Variants in SYCP2L observed in about 807,000 individuals in gnomAD.
SYCP2L encodes synaptonemal complex protein 2 like, also known as synaptonemal complex protein 2-like.
A neutral mutation model predicts 125.8 loss-of-function variants in SYCP2L; 98 were observed. The observed-to-expected ratio is 0.78, with a 90% CI of 0.66 to 0.92. SYCP2L has a LOEUF of 0.92. SYCP2L is among the 40% of genes least tolerant of loss of function. The pLI is 0.00. For missense variants in SYCP2L, 842 were observed against 936.4 expected (o/e 0.90, Z 1.32); for synonymous variants, 317 against 325.4 (o/e 0.97, Z 0.28).
chr6:10,921,928 G>A (rs557435554), intron 14 of SYCP2L, among the ~76,000 whole-genome samples: 39 of 152,032 alleles, frequency 2.6e-4, no homozygotes, highest in African/African-American at 7.0e-4. Context: ...GGATGGTCTC[G>A]GTCTCCTGAC....
intron 12 of SYCP2L, among the ~76,000 whole-genome samples, chr6:10,911,207 C>A (rs145026629): frequency 6.6e-6 from 1 of 152,178 alleles, no homozygotes; most frequent in Non-Finnish European, 1.5e-5. Context: ...GGATGATTTC[C>A]TTGCTTCTTT....
In SYCP2L at chr6:10,930,389, ATCTCT is replaced by A. The variant is rs1780972451; in HGVS notation, c.1514_1518del (p.Phe505Ter). ...TTGTAGAAGTCTCATTACAGAAAAC[ATCTCT>A]TCTCTGAGAGTAATCAAGATTCAAG... On this transcript the variant is annotated frameshift_variant, in exon 19 of 30. Transcript: ENST00000283141. LOFTEE classifies it high-confidence loss of function. The A allele has an allele frequency of 6.2e-7, 1 of 1,612,734 alleles. No homozygotes were observed. Among genetic ancestry groups the A allele is most frequent in the African/African-American group, 1.3e-5 (1 of 74,818 alleles).
chr6:10,926,289 T>G lies in SYCP2L; in HGVS notation c.1219-50T>G, dbSNP rs780171663. The stretch of plus-strand genomic sequence containing the variant: ...CTTTACGTTTTCCTTAAATTTTTTT[T>G]TTTTTAAAGATGACTACATTTCAAA... On this transcript the variant is annotated intron_variant, in intron 15 of 29. Transcript: ENST00000283141. 6.5e-6 allele frequency: 9 copies of G among 1,383,750 alleles called. No homozygotes were observed. In the South Asian group the frequency reaches 1.1e-4, roughly 17 times the overall value. The allele number at this position is 1,383,750 out of a possible 1,614,324, so 85.7% of individuals were successfully genotyped here.
At chr6:10,942,556 C>T (rs1414489645) in intron 22 of SYCP2L, 27 bp downstream of exon 22, 6 of 1,588,562 alleles carry the variant, frequency 3.8e-6, no homozygotes, top group East Asian at 4.5e-5. Flanking sequence ...GGTTATTCAT[C>T]TGATTTTCCA....
chr6:10,931,548 C>G, intron 20 of SYCP2L, 59 bp downstream of exon 20: 1 of 1,475,110 alleles, frequency 6.8e-7, no homozygotes, highest in African/African-American at 1.4e-5. Flanking sequence ...ATTTATTTCT[C>G]CAAAAACAAC....
intron 25 of SYCP2L, among the ~76,000 whole-genome samples, chr6:10,957,224 A>G (rs1307828221): frequency 3.3e-5 from 5 of 152,242 alleles, no homozygotes; most frequent in African/African-American, 1.2e-4. Context: ...AGTTCATATT[A>G]CTTATCAATG....
At chr6:10,887,271 A>G in intron 1 of SYCP2L, 136 bp downstream of exon 1, 2 of 1,208,800 alleles carry the variant, frequency 1.7e-6, no homozygotes, top group Non-Finnish European at 2.4e-6. Flanking sequence ...GTCCCCCGCC[A>G]CCTCCTTGGG....
At chr6:10,894,605 A>G (rs780345624) in intron 4 of SYCP2L, among the ~76,000 whole-genome samples, 8 of 152,202 alleles carry the variant, frequency 5.3e-5, no homozygotes, top group Non-Finnish European at 1.2e-4. Flanking sequence ...GTAACACCTC[A>G]CTTTATCCAT....
Position 10,895,746 on chromosome 6 carries a change from C to T in SYCP2L, c.336+1542C>T, listed in dbSNP as rs1780247885. Reference sequence around the variant, plus strand: ...CAGATGATTCCCCTGCCTCGGCCTCCCAAAGTGCTGGGATTACAGGCGTGA... The same window carrying T: ...CAGATGATTCCCCTGCCTCGGCCTCTCAAAGTGCTGGGATTACAGGCGTGA... On this transcript the variant is annotated intron_variant, in intron 4 of 29. Transcript: ENST00000283141. Among the ~76,000 whole-genome samples the T allele has an allele frequency of 2.0e-5, 3 of 152,120 alleles. No homozygotes were observed. In the South Asian group the frequency reaches 6.2e-4, roughly 31 times the overall value.
Position 10,912,944 on chromosome 6 carries a change from A to C in SYCP2L, c.1072+17A>C, listed in dbSNP as rs764457538. ...GCATAACAGGTAATATGATACATTT[A>C]AACAACCCACGTCCAGTTCCAAATA... On this transcript the variant is annotated intron_variant, in intron 14 of 29. Coordinates refer to ENST00000283141, the MANE Select transcript of SYCP2L (RefSeq NM_001040274.3). This position sits in a 1 kb window ranked among gnomAD's most constrained non-coding sequence, Gnocchi z 4.1. The C allele has an allele frequency of 2.5e-6, 4 of 1,610,888 alleles. No individual in the cohort carries two copies. The highest frequency in any genetic ancestry group is 1.3e-5 in the African/African-American group (1 of 75,006).
chr6:10,909,116 ATT>A lies in SYCP2L; in HGVS notation c.820-1008_820-1007del, dbSNP rs67767345. 6.5e-3 allele frequency among the ~76,000 whole-genome samples: 618 copies of A among 94,836 alleles called. 5 individuals carry two copies. The highest frequency in any genetic ancestry group is 0.027 in the African/African-American group (564 of 20,822). 62.2% of individuals were successfully genotyped at this position (94,836 alleles called of 152,430 possible). A position where few individuals can be genotyped will look rare whatever the true frequency, so the allele number is the denominator to read the frequency against. ...CCAGAGCTATCAACTTCTCAATTGA[ATT>A]TTTTTTTTTTTTTTTTTTTTTTTGA... On this transcript the variant is annotated intron_variant, in intron 10 of 29. Transcript: ENST00000283141.
intron 9 of SYCP2L, among the ~76,000 whole-genome samples, chr6:10,906,746 C>T (rs1485708373): frequency 6.6e-6 from 1 of 151,412 alleles, no homozygotes; most frequent in Non-Finnish European, 1.5e-5. Context: ...TACAGGCACG[C>T]ACCGCCACAC....
chr6:10,928,416 C>T lies in SYCP2L; in HGVS notation c.1454C>T (p.Pro485Leu), dbSNP rs369521674. The T allele has an allele frequency of 1.5e-5, 24 of 1,574,190 alleles. No individual in the cohort carries two copies. The highest frequency in any genetic ancestry group is 2.1e-5 in the Non-Finnish European group (24 of 1,157,554). ...PASDSHLQPV[P>L]PFGVPDFPQQ... Reference sequence around the variant, plus strand: ...CTTCTGCCATAGCTTCAGCCGGTCCCTCCGTTCGGGGTCCCTGACTTCCCG... The same window carrying T: ...CTTCTGCCATAGCTTCAGCCGGTCCTTCCGTTCGGGGTCCCTGACTTCCCG... The change falls in exon 18 of 30, where the codon CCT becomes CTT. Residue 485 changes from proline to leucine, a missense_variant. Pro to Leu is a moderately conservative substitution (Grantham distance 98). Coordinates refer to ENST00000283141, the MANE Select transcript of SYCP2L (RefSeq NM_001040274.3).
chr6:10,944,898 G>C (rs181955283), intron 23 of SYCP2L, among the ~76,000 whole-genome samples: 68 of 152,226 alleles, frequency 4.5e-4, no homozygotes, highest in Admixed American at 1.9e-3. Context: ...ATTTTTAGTA[G>C]CAACGGGGTT....
chr6:10,921,145 T>G (rs754546426), intron 14 of SYCP2L, among the ~76,000 whole-genome samples: 17 of 152,172 alleles, frequency 1.1e-4, no homozygotes, highest in Non-Finnish European at 1.6e-4. Flanking sequence ...GGTTTTCTGT[T>G]CCTGTGTTAG....
chr6:10,908,553 T>C (rs779505409), intron 10 of SYCP2L, among the ~76,000 whole-genome samples: 8 of 152,170 alleles, frequency 5.3e-5, no homozygotes, highest in Non-Finnish European at 1.2e-4. Flanking sequence ...AGCTAGAACA[T>C]TTTCCCTCTT....
At chr6:10,913,074 A>C in intron 14 of SYCP2L, 147 bp downstream of exon 14, 1 of 667,064 alleles carries the variant, frequency 1.5e-6, no homozygotes, top group Non-Finnish European at 2.5e-6. Context: ...GTGCGCTGTC[A>C]CAGGTTTGTG....
intron 12 of SYCP2L, 100 bp downstream of exon 12, chr6:10,910,969 G>T: frequency 2.3e-6 from 3 of 1,316,828 alleles, no homozygotes; most frequent in Non-Finnish European, 3.3e-6. Context: ...TAACTCAAAA[G>T]GGCTTTTTAA....
intron 29 of SYCP2L, among the ~76,000 whole-genome samples, chr6:10,971,165 C>T (rs1440023549): frequency 6.6e-6 from 1 of 152,036 alleles, no homozygotes; most frequent in Non-Finnish European, 1.5e-5. Flanking sequence ...TGTGCTTTTA[C>T]AACTTACTGA....
Sources: gnomAD v4.1 joint callset for allele counts (sites outside exome capture counted in the v4.1 genomes callset) on GRCh38, gnomAD v4.1.1 for gene constraint, Gnocchi (gnomAD v3.1) non-coding constraint, MANE v1.5 for transcripts, NCBI Gene and HGNC (gene_info 2026-07-23, HGNC 2026-07-21) for gene names.